Variants in MBD5 observed in about 807,000 individuals in gnomAD.
MBD5 encodes methyl-CpG-binding domain protein 5.
Under a neutral mutation model 117.3 loss-of-function variants are expected in MBD5, and 13 were observed. The ratio of observed to expected loss-of-function variants is 0.11; its 90% CI spans 0.07 to 0.18. MBD5 has a LOEUF of 0.18. Among genes scored for constraint, MBD5 ranks in the 10% least tolerant of loss-of-function variants. The pLI is 1.00. For synonymous variants in MBD5, 727 were observed against 766.4 expected (o/e 0.95, Z 0.85); for missense variants, 1,879 against 2,093.8 (o/e 0.90, Z 2.00).
rs1330385216 is a variant in MBD5 at position 148,514,828 on chromosome 2, T to G, written c.*1887T>G. 6.6e-6 allele frequency: 1 copy of G among 152,328 alleles called. No individual in the cohort carries two copies. Among genetic ancestry groups the G allele is most frequent in the East Asian group, 1.9e-4 (1 of 5,190 alleles). 9.4% of individuals were successfully genotyped at this position (152,328 alleles called of 1,614,324 possible). ...TATTCCCCTAGGTCTCCTGTGTCTCTCTGTCCCTCTGTTCCTACTTTCAAC... is the reference window on the plus strand; with the variant it reads ...TATTCCCCTAGGTCTCCTGTGTCTCGCTGTCCCTCTGTTCCTACTTTCAAC... On this transcript the variant is annotated 3_prime_UTR_variant, in exon 14 of 14. Transcript: ENST00000642680.
chr2:148,384,328 G>A (rs1299277541), intron 4 of MBD5, among the ~76,000 whole-genome samples: 1 of 152,050 alleles, frequency 6.6e-6, no homozygotes, highest in African/African-American at 2.4e-5. Context: ...CAGACAAACA[G>A]AGAGCCAAAT....
At chr2:148,395,728 A>G (rs980374181) in intron 4 of MBD5, among the ~76,000 whole-genome samples, 1 of 152,066 alleles carries the variant, frequency 6.6e-6, no homozygotes, top group Non-Finnish European at 1.5e-5. Flanking sequence ...CCTGGCCCCA[A>G]CTCATCTTTT....
At chr2:148,316,037 A>G (rs978218237) in intron 3 of MBD5, among the ~76,000 whole-genome samples, 1 of 152,186 alleles carries the variant, frequency 6.6e-6, no homozygotes, top group East Asian at 1.9e-4. Context: ...CATGTGTTAC[A>G]TGGTCAGAGT....
intron 4 of MBD5, among the ~76,000 whole-genome samples, chr2:148,432,670 T>G (rs185280395): frequency 2.4e-4 from 37 of 152,258 alleles, no homozygotes; most frequent in African/African-American, 8.7e-4. Context: ...GGAGATCAGA[T>G]GGTTGTAGGC....
At chr2:148,085,210 A>G (rs1695746953) in intron 1 of MBD5, among the ~76,000 whole-genome samples, 1 of 152,210 alleles carries the variant, frequency 6.6e-6, no homozygotes, top group Non-Finnish European at 1.5e-5. Context: ...GGCAGTCCGT[A>G]TAAAGCAAGG....
chr2:148,483,790 A>G lies in MBD5; in HGVS notation c.3199A>G (p.Thr1067Ala). Residue 1067 changes from threonine to alanine, a missense_variant, in exon 9 of 14, where the codon ACT (threonine) becomes GCT (alanine). Thr to Ala is a moderately conservative substitution (Grantham distance 58). Transcript: ENST00000642680. ...ACCAAGCTTTGCAGGCAGTGACACT[A>G]CTTTTAACCCCCTGTTCCTCCCAGC... ...PLPSFAGSDT[T>A]FNPLFLPAVN... is the part of the protein sequence containing the mutation. The G allele has an allele frequency of 6.4e-7, 1 of 1,550,582 alleles. No homozygotes were observed. Among genetic ancestry groups the G allele is most frequent in the Non-Finnish European group, 8.7e-7 (1 of 1,146,982 alleles).
At chr2:148,145,918 G>C (rs1257530777) in intron 1 of MBD5, among the ~76,000 whole-genome samples, 1 of 151,958 alleles carries the variant, frequency 6.6e-6, no homozygotes, top group African/African-American at 2.4e-5. Flanking sequence ...TCTTTTTTTG[G>C]CTGTGTCTCT....
chr2:148,326,663 G>A (rs1407224538), intron 3 of MBD5, among the ~76,000 whole-genome samples: 4 of 151,506 alleles, frequency 2.6e-5, no homozygotes, highest in Admixed American at 1.3e-4. Flanking sequence ...TGCAACCCCT[G>A]CCTTTTTTTG....
At chr2:148,107,958 C>CTTT (rs1696411572) in intron 1 of MBD5, among the ~76,000 whole-genome samples, 1 of 152,054 alleles carries the variant, frequency 6.6e-6, no homozygotes, top group African/African-American at 2.4e-5. Flanking sequence ...TGTAGGATCA[C>CTTT]TTTAAATTGT....
intron 4 of MBD5, among the ~76,000 whole-genome samples, chr2:148,424,880 A>T (rs912759764): frequency 3.3e-5 from 5 of 152,230 alleles, no homozygotes; most frequent in Non-Finnish European, 7.3e-5. Context: ...GACACATTTC[A>T]AGCAGTGTTT....
intron 1 of MBD5, chr2:148,027,506 A>G (rs1693932040): frequency 6.6e-6 from 1 of 152,256 alleles, no homozygotes; most frequent in South Asian, 2.1e-4. Flanking sequence ...CAGGTTGAGT[A>G]TTCCTAATCC....
intron 4 of MBD5, among the ~76,000 whole-genome samples, chr2:148,393,650 T>C (rs905775093): frequency 2.0e-5 from 3 of 152,170 alleles, no homozygotes; most frequent in African/African-American, 7.2e-5. Flanking sequence ...ATATACCAAA[T>C]TTGAGGGTCA....
intron 1 of MBD5, among the ~76,000 whole-genome samples, chr2:148,037,082 CAG>C: frequency 6.6e-6 from 1 of 152,016 alleles, no homozygotes; most frequent in African/African-American, 2.4e-5. Context: ...TATGTAAAGG[CAG>C]AATGAATTTT....
At chr2:148,171,393 C>T (rs73009261) in intron 1 of MBD5, among the ~76,000 whole-genome samples, 8,037 of 152,132 alleles carry the variant, frequency 0.053, 241 homozygotes, top group African/African-American at 0.078. Flanking sequence ...TCATCTGATA[C>T]GGATGAAGAA....
At chr2:148,257,920 T>G (rs145410353) in intron 3 of MBD5, among the ~76,000 whole-genome samples, 21 of 152,334 alleles carry the variant, frequency 1.4e-4, no homozygotes, top group East Asian at 1.2e-3. Flanking sequence ...TACAGCTTCA[T>G]GCAAAGAGGG....
chr2:148,281,950 C>G (rs1701257840), intron 3 of MBD5, among the ~76,000 whole-genome samples: 1 of 152,152 alleles, frequency 6.6e-6, no homozygotes, highest in Non-Finnish European at 1.5e-5. Flanking sequence ...CTTGGTGCAT[C>G]TAACCGCTAC....
chr2:148,096,324 T>A (rs1205327216), intron 1 of MBD5, among the ~76,000 whole-genome samples: 1 of 152,172 alleles, frequency 6.6e-6, no homozygotes, highest in East Asian at 1.9e-4. Context: ...CTTGGGGTAT[T>A]GCTACTGGCA....
At chr2:148,135,650 T>C (rs1697153101) in intron 1 of MBD5, among the ~76,000 whole-genome samples, 1 of 152,210 alleles carries the variant, frequency 6.6e-6, no homozygotes, top group South Asian at 2.1e-4. Context: ...TGCCTAACAA[T>C]GGCTCTGTAT....
chr2:148,106,120 T>C (rs1220354170), intron 1 of MBD5, among the ~76,000 whole-genome samples: 1 of 151,984 alleles, frequency 6.6e-6, no homozygotes, highest in African/African-American at 2.4e-5. Flanking sequence ...CAACTGTTGA[T>C]GCAGTTTTAT....
Sources: allele counts gnomAD v4.1 joint callset (sites outside exome capture counted in the v4.1 genomes callset), GRCh38; gene constraint gnomAD v4.1.1; transcripts MANE v1.5; gene names NCBI Gene and HGNC (gene_info 2026-07-23, HGNC 2026-07-21).